Variants in EPX observed in about 807,000 individuals in gnomAD.
EPX encodes the protein eosinophil peroxidase.
Under a neutral mutation model 73.0 loss-of-function variants are expected in EPX, and 60 were observed. The ratio of observed to expected loss-of-function variants is 0.82; its 90% CI spans 0.67 to 1.02. The LOEUF is 1.02. Among genes scored for constraint, EPX ranks in the 50% least tolerant of loss-of-function variants. EPX has a pLI of 0.00. For missense variants in EPX, 950 were observed against 973.9 expected (o/e 0.98, Z 0.33); for synonymous variants, 347 against 389.2 (o/e 0.89, Z 1.28).
Position 58,200,254 on chromosome 17 carries a change from A to G in EPX, c.1567A>G (p.Met523Val), listed in dbSNP as rs1177158094. 6.2e-7 allele frequency: 1 copy of G among 1,614,154 alleles called. No homozygotes were observed. Among genetic ancestry groups the G allele is most frequent in the East Asian group, 2.2e-5 (1 of 44,878 alleles). Residue 523 changes from methionine to valine, a missense_variant, in exon 10 of 13, where the codon ATG becomes GTG. Coordinates refer to ENST00000225371, the MANE Select transcript of EPX (RefSeq NM_000502.6). ...CATCGACCCCATCCTCCGGGGCCTC[A>G]TGGCCACCCCTGCCAAGCTGAACCG... is the stretch of plus-strand genomic sequence containing the variant. ...GGIDPILRGL[M>V]ATPAKLNRQD...
At position 58,204,851 on chromosome 17, in the gene EPX, A is replaced by G. The variant is rs1968409793; in HGVS notation, c.*127A>G. ...GACGCTTCTGCTGGCTACAGCTCAG[A>G]GCTGGGTTCCCCAGCCAGGAGTGAA... On this transcript the variant is annotated 3_prime_UTR_variant, in exon 13 of 13. Transcript: ENST00000225371. 1 of 214,768 alleles carries G rather than the reference A, an allele frequency of 4.7e-6. No homozygotes were observed. Among genetic ancestry groups the G allele is most frequent in the Admixed American group, 5.2e-5 (1 of 19,148 alleles). The allele number at this position is 214,768 out of a possible 1,614,324, so 13.3% of individuals were successfully genotyped here.
chr17:58,195,091 C>G lies in EPX; in HGVS notation c.722C>G (p.Ser241Cys). 6.2e-7 allele frequency: 1 copy of G among 1,614,016 alleles called. No individual in the cohort carries two copies. The highest frequency in any genetic ancestry group is 8.5e-7 in the Non-Finnish European group (1 of 1,179,838). The change falls in exon 6 of 13, where the codon TCC becomes TGC. Residue 241 changes from serine to cysteine, a missense_variant. Coordinates refer to ENST00000225371, the MANE Select transcript of EPX (RefSeq NM_000502.6). ...CATGACCTGGACTTCTCCCCGGAGT[C>G]CCCGGCCAGAGTGGCCTTCACTGCA... ...IDHDLDFSPE[S>C]PARVAFTAGV...
chr17:58,198,374 A>T lies in EPX; in HGVS notation c.1121-666A>T, dbSNP rs1230738823. 2.0e-5 allele frequency among the ~76,000 whole-genome samples: 3 copies of T among 152,078 alleles called. No individual in the cohort carries two copies. In the East Asian group the frequency reaches 5.8e-4, roughly 29 times the overall value. ...TTTTCCTCACAGAGAGTCGGCCCCA[A>T]CCCCTCTTTTGAAGGATTGTACATT... On this transcript the variant is annotated intron_variant, in intron 7 of 12. Transcript: ENST00000225371.
chr17:58,203,417 A>T (rs962666808), intron 11 of EPX, 99 bp downstream of exon 11: 10 of 879,110 alleles, frequency 1.1e-5, no homozygotes, highest in Non-Finnish European at 1.7e-5. Context: ...TCTTTTTAGT[A>T]TCATTTCTTC....
chr17:58,202,998 T>TC, intron 10 of EPX, 83 bp from the exon 11 acceptor site: 2 of 1,017,076 alleles, frequency 2.0e-6, no homozygotes, highest in Non-Finnish European at 3.1e-6. Flanking sequence ...GGCCACAGCT[T>TC]CCCCCCAGAG....
chr17:58,197,166 C>A lies in EPX; in HGVS notation c.1029C>A (p.Asp343Glu). Reference protein sequence around the residue: ...GLLAINQRFQDNGRALLPFDN... With the variant: ...GLLAINQRFQENGRALLPFDN... ...TGGCCATCAACCAGCGCTTTCAAGA[C>A]AACGGCCGGGCCCTGCTGCCCTTCG... The change falls in exon 7 of 13, where the codon GAC becomes GAA. Residue 343 changes from aspartate (D) to glutamate (E), a missense_variant. Transcript: ENST00000225371. 1.2e-6 allele frequency: 2 copies of A among 1,614,154 alleles called. No individual in the cohort carries two copies. Among genetic ancestry groups the A allele is most frequent in the Non-Finnish European group, 1.7e-6 (2 of 1,180,040 alleles).
Position 58,193,070 on chromosome 17 carries a change from C to T in EPX, c.109C>T (p.Arg37Ter), listed in dbSNP as rs147790482. 96 of 1,612,642 alleles carry T rather than the reference C, an allele frequency of 6.0e-5. No individual in the cohort carries two copies. Among genetic ancestry groups the T allele is most frequent in the Middle Eastern group, 3.3e-4 (2 of 6,082 alleles). The change falls in exon 2 of 13, where the codon CGA becomes TGA. Residue 37 changes from arginine to a stop codon, truncating the protein, a stop_gained. Transcript: ENST00000225371. LOFTEE classifies it high-confidence loss of function. ...SPGAVETSVLRDCIAEAKLLV... is the reference protein window; with the variant it reads ...SPGAVETSVL ...TGGGGCAGTGGAGACCTCGGTCCTG[C>T]GAGACTGCATAGCAGAGGCCAAGTT...
rs758530991 is a variant in EPX at position 58,192,880 on chromosome 17, G to T, written c.34G>T (p.Ala12Ser). Reference protein sequence around the residue: ...HLLPALAGVLATLVLAQPCEG... With the variant: ...HLLPALAGVLSTLVLAQPCEG... ...GCTCCCAGCCCTGGCAGGGGTCCTG[G>T]CCACACTCGTCCTCGCCCAGCCCTG... The change falls in exon 1 of 13, where the codon GCC becomes TCC. Residue 12 changes from alanine (A) to serine (S), a missense_variant. Coordinates refer to ENST00000225371, the MANE Select transcript of EPX (RefSeq NM_000502.6). 3.1e-6 allele frequency: 5 copies of T among 1,613,960 alleles called. No individual in the cohort carries two copies. Among genetic ancestry groups the T allele is most frequent in the Non-Finnish European group, 4.2e-6 (5 of 1,179,956 alleles).
rs1968394242 is a variant in EPX, at chr17:58,204,224, T to C, written c.1949T>C (p.Phe650Ser). Residue 650 changes from phenylalanine (F) to serine (S), a missense_variant and splice_region_variant, in exon 12 of 13, where the codon TTC becomes TCC. Physicochemically the swap from Phe to Ser is radical, Grantham distance 155. Transcript: ENST00000225371. ...QFRRARDGDR[F>S]WWQKRGVFTK... ...CACATCTCTCGACTGCCTGGTAGGT[T>C]CTGGTGGCAGAAACGAGGTGTTTTC... 6.2e-7 allele frequency: 1 copy of C among 1,613,404 alleles called. No individual in the cohort carries two copies.
chr17:58,193,793 C>G lies in EPX; in HGVS notation c.426C>G (p.Ser142Arg). The G allele has an allele frequency of 6.2e-7, 1 of 1,613,284 alleles. No individual in the cohort carries two copies. The highest frequency in any genetic ancestry group is 8.5e-7 in the Non-Finnish European group (1 of 1,179,776). The change falls in exon 4 of 13, where the codon AGC (serine) becomes AGG (arginine). Residue 142 changes from serine to arginine, a missense_variant. Transcript: ENST00000225371. ...TCCGGGACCAGGCCGAGCGCTGCAG[C>G]GACAAGTACCGCACCATCACTGGAC... ...CALRDQAERC[S>R]DKYRTITGRC...
Position 58,204,392 on chromosome 17 carries a change from G to A in EPX, c.2117G>A (p.Arg706Lys). ...TTTGTGAACTGCAGCCGTATCCCCA[G>A]GTTGAACCTATCAGCCTGGCGAGGG... ...RGFVNCSRIP[R>K]LNLSAWRGT is the part of the protein sequence containing the mutation. Residue 706 changes from arginine to lysine, a missense_variant, in exon 12 of 13, where the codon AGG becomes AAG. Coordinates refer to ENST00000225371, the MANE Select transcript of EPX (RefSeq NM_000502.6). The A allele has an allele frequency of 3.7e-6, 6 of 1,614,180 alleles. No individual in the cohort carries two copies. The highest frequency in any genetic ancestry group is 1.3e-5 in the African/African-American group (1 of 75,056).
chr17:58,203,485 GA>G (rs997508501), intron 11 of EPX, among the ~76,000 whole-genome samples, 167 bp downstream of exon 11: 11 of 152,270 alleles, frequency 7.2e-5, no homozygotes, highest in Admixed American at 4.6e-4. Flanking sequence ...GTCAAAGGAA[GA>G]GAGACACTGA....
chr17:58,196,758 TG>T (rs1268995092), intron 6 of EPX, among the ~76,000 whole-genome samples, 180 bp from the exon 7 acceptor site: 1 of 152,158 alleles, frequency 6.6e-6, no homozygotes, highest in Non-Finnish European at 1.5e-5. Context: ...TGAGACTCTA[TG>T]AAACAAAATG....
chr17:58,201,092 TC>T (rs1194622407), intron 10 of EPX, among the ~76,000 whole-genome samples: 2 of 152,202 alleles, frequency 1.3e-5, no homozygotes, highest in African/African-American at 2.4e-5. Context: ...TCTCCTTTCT[TC>T]CCCCTGTTCA....
intron 7 of EPX, among the ~76,000 whole-genome samples, chr17:58,198,279 T>C (rs2143712204): frequency 6.6e-6 from 1 of 152,336 alleles, no homozygotes; most frequent in Non-Finnish European, 1.5e-5. Context: ...TAGTTTCAAA[T>C]GACAGAGTCC....
In EPX at chr17:58,192,816, A is replaced by G; in HGVS notation, c.-31A>G. The G allele has an allele frequency of 1.9e-6, 3 of 1,601,090 alleles. No individual in the cohort carries two copies. The highest frequency in any genetic ancestry group is 2.6e-6 in the Non-Finnish European group (3 of 1,170,108). On this transcript the variant is annotated 5_prime_UTR_variant, in exon 1 of 13. Coordinates refer to ENST00000225371, the MANE Select transcript of EPX (RefSeq NM_000502.6). ...CCCGTGCAGGCTGTGGATGTCACTC[A>G]CTTCCCAGCTGGTGAAGCCTCGCTG...
rs559166545 is a variant in EPX, at chr17:58,196,359, CG to C, written c.802-578del. 1.4e-4 allele frequency among the ~76,000 whole-genome samples: 21 copies of C among 152,322 alleles called. No homozygotes were observed. The South Asian group carries it at 4.4e-3, about 32-fold the overall frequency. On this transcript the variant is annotated intron_variant, in intron 6 of 12. Transcript: ENST00000225371. ...CTGGCCTCATGTAATCCACCTGCCT[CG>C]GCCTCCCAAAGTGCTAGGATTATAG...
intron 5 of EPX, 43 bp from the exon 6 acceptor site, chr17:58,194,921 G>T: frequency 3.3e-6 from 5 of 1,505,380 alleles, no homozygotes; most frequent in Non-Finnish European, 4.6e-6. Context: ...ACCTTGTGGG[G>T]TCAGGGAGCC....
chr17:58,199,444 G>C, intron 8 of EPX, 95 bp from the exon 9 acceptor site: 1 of 1,389,936 alleles, frequency 7.2e-7, no homozygotes, highest in Non-Finnish European at 1.0e-6. Context: ...CATTTGACGT[G>C]ATGACAATAA....
Sources: gnomAD v4.1 joint callset for allele counts (sites outside exome capture counted in the v4.1 genomes callset) on GRCh38, gnomAD v4.1.1 for gene constraint, MANE v1.5 for transcripts, NCBI Gene and HGNC (gene_info 2026-07-23, HGNC 2026-07-21) for gene names.